Variants in OSBPL9 observed in about 807,000 individuals in gnomAD.
OSBPL9 encodes oxysterol binding protein like 9.
OSBPL9 carries 40 observed loss-of-function variants against 106.6 expected under a neutral mutation model. The ratio of observed to expected loss-of-function variants is 0.38; its 90% CI spans 0.29 to 0.49. The LOEUF is 0.49. Ranked by LOEUF, OSBPL9 falls within the 20% of genes least tolerant of loss-of-function variation. The pLI, the probability that OSBPL9 is intolerant of heterozygous loss-of-function variation, is 0.97. For synonymous variants in OSBPL9, 269 were observed against 295.4 expected, an observed-to-expected ratio of 0.91 and a Z score of 0.92; for missense variants, 609 against 887.2, an observed-to-expected ratio of 0.69 and a Z score of 3.98.
chr1:51,767,254 G>A (rs1050531358), intron 12 of OSBPL9, among the ~76,000 whole-genome samples: 1 of 152,030 alleles, frequency 6.6e-6, no homozygotes, highest in African/African-American at 2.4e-5. Context: ...TTAGCTGAGT[G>A]TGGTGGCACA....
chr1:51,671,370 C>A (rs1345351011), intron 3 of OSBPL9, among the ~76,000 whole-genome samples: 1 of 152,024 alleles, frequency 6.6e-6, no homozygotes, highest in Non-Finnish European at 1.5e-5. Context: ...GTGAACATAT[C>A]TTTAAATGTG....
chr1:51,553,157 C>T, the OSBPL9 span, among the ~76,000 whole-genome samples: 1 of 152,018 alleles, frequency 6.6e-6, no homozygotes, highest in African/African-American at 2.4e-5. Context: ...ACTCCACCCA[C>T]AAAATAGTTC....
intron 1 of OSBPL9, among the ~76,000 whole-genome samples, chr1:51,624,525 C>T (rs1333043074): frequency 6.6e-6 from 1 of 151,866 alleles, no homozygotes; most frequent in Admixed American, 6.6e-5. Context: ...AAGGCAAAAC[C>T]CGTGAGCTGA....
chr1:51,677,756 G>T (rs997424178), intron 3 of OSBPL9, among the ~76,000 whole-genome samples: 1 of 152,028 alleles, frequency 6.6e-6, no homozygotes, highest in African/African-American at 2.4e-5. Context: ...TCACCATATT[G>T]TCCAGGCTGG....
At chr1:51,617,288 C>A in intron 1 of OSBPL9, 67 bp downstream of exon 1, 1 of 1,487,392 alleles carries the variant, frequency 6.7e-7, no homozygotes, top group South Asian at 1.2e-5. Context: ...GGTGGGGGAC[C>A]GGGGTTTTAG....
chr1:51,745,568 A>G lies in OSBPL9; in HGVS notation c.351A>G (p.Gln117=), dbSNP rs1355323950. 7 of 1,608,852 alleles carry G rather than the reference A, an allele frequency of 4.4e-6. No homozygotes were observed. The highest frequency in any genetic ancestry group is 2.2e-5 in the East Asian group (1 of 44,610). The change falls in exon 5 of 24, where the codon CAA becomes CAG. Residue 117 remains glutamine (Q), a synonymous_variant. Coordinates refer to ENST00000428468, the MANE Select transcript of OSBPL9 (RefSeq NM_024586.6). The part of the protein sequence containing the change: ...GLDSGFVPSV[Q]DFDKKLTEAD... The stretch of plus-strand genomic sequence containing the variant: ...ATTCAGGATTTGTTCCTAGTGTCCA[A>G]GATTTTGATAAGAAACTTACAGAAG...
the OSBPL9 span, among the ~76,000 whole-genome samples, chr1:51,520,291 C>T: frequency 6.6e-6 from 1 of 152,234 alleles, no homozygotes; most frequent in East Asian, 1.9e-4. Flanking sequence ...ACACATCCTA[C>T]ACCTTCTGAT....
intron 20 of OSBPL9, 85 bp downstream of exon 20, chr1:51,784,667 T>C: frequency 5.6e-6 from 8 of 1,428,598 alleles, no homozygotes; most frequent in Non-Finnish European, 7.7e-6. Context: ...GGATTAGGAG[T>C]GTGAAAGAAT....
chr1:51,787,528 CTAATT>C (rs771811632), intron 23 of OSBPL9, 40 bp downstream of exon 23: 4 of 1,610,978 alleles, frequency 2.5e-6, no homozygotes, highest in Non-Finnish European at 3.4e-6. Context: ...GCTGTTCCTC[CTAATT>C]TATTTCAGTG....
At chr1:51,558,032 GC>G in the OSBPL9 span, among the ~76,000 whole-genome samples, 4 of 152,278 alleles carry the variant, frequency 2.6e-5, no homozygotes, top group Admixed American at 2.6e-4. Context: ...TGTAATCCTA[GC>G]ACTTTGGGAG....
chr1:51,540,659 A>T, the OSBPL9 span, among the ~76,000 whole-genome samples: 2 of 149,070 alleles, frequency 1.3e-5, no homozygotes, highest in Admixed American at 6.7e-5. Context: ...TCTCAAAAAA[A>T]AAAAAAATTT....
intron 1 of OSBPL9, among the ~76,000 whole-genome samples, chr1:51,587,964 A>C (rs1645254377): frequency 6.6e-6 from 1 of 152,186 alleles, no homozygotes; most frequent in African/African-American, 2.4e-5. Flanking sequence ...ACTGCTTTTG[A>C]CATTAGCTGT....
intron 4 of OSBPL9, among the ~76,000 whole-genome samples, chr1:51,744,128 C>T (rs1266826890): frequency 2.6e-5 from 4 of 151,874 alleles, no homozygotes; most frequent in African/African-American, 9.7e-5. Context: ...GTTGATTTTT[C>T]CCATGGTCTT....
At chr1:51,746,602 C>T in intron 5 of OSBPL9, 108 bp from the exon 6 acceptor site, 1 of 701,008 alleles carries the variant, frequency 1.4e-6, no homozygotes, top group Non-Finnish European at 2.3e-6. Flanking sequence ...ATAAATCATC[C>T]CTGGACAAAA....
In OSBPL9 at chr1:51,676,400, C is replaced by T. The variant is rs147169556; in HGVS notation, c.241+6888C>T. On this transcript the variant is annotated intron_variant, in intron 3 of 23. Coordinates refer to ENST00000428468, the MANE Select transcript of OSBPL9 (RefSeq NM_024586.6). ...AGCCGAGATCCCACCATTGCACCCC[C>T]GCCTGGACAACACAGTGAGATGCCT... is the stretch of plus-strand genomic sequence containing the variant. Among the ~76,000 whole-genome samples, 288 of 151,516 alleles carry T rather than the reference C, an allele frequency of 1.9e-3. 7 individuals carry two copies. The highest frequency in any genetic ancestry group is 6.2e-3 in the East Asian group (32 of 5,160).
chr1:51,665,078 G>C (rs1223081255), intron 2 of OSBPL9, among the ~76,000 whole-genome samples: 1 of 152,200 alleles, frequency 6.6e-6, no homozygotes, highest in East Asian at 1.9e-4. Context: ...CAGTTTCATA[G>C]TCATTAGCCA....
intron 8 of OSBPL9, among the ~76,000 whole-genome samples, chr1:51,751,610 A>T (rs1317114570): frequency 1.3e-5 from 2 of 152,166 alleles, no homozygotes; most frequent in Non-Finnish European, 1.5e-5. Context: ...CCAAAAGCTT[A>T]CCTACAGATA....
At chr1:51,571,218 C>T in the OSBPL9 span, among the ~76,000 whole-genome samples, 37 of 152,122 alleles carry the variant, frequency 2.4e-4, no homozygotes, top group East Asian at 1.5e-3. Context: ...TGGAACAGGA[C>T]CTGACATAGA....
the OSBPL9 span, among the ~76,000 whole-genome samples, chr1:51,568,331 G>A: frequency 6.6e-6 from 1 of 152,108 alleles, no homozygotes; most frequent in African/African-American, 2.4e-5. Flanking sequence ...CTTTTAGCTG[G>A]GAAAATTGTG....
Sources: allele counts gnomAD v4.1 joint callset (sites outside exome capture counted in the v4.1 genomes callset), GRCh38; gene constraint gnomAD v4.1.1; transcripts MANE v1.5; gene names NCBI Gene and HGNC (gene_info 2026-07-23, HGNC 2026-07-21).